Variants in STON2 observed in about 807,000 individuals in gnomAD.
STON2 encodes stonin 2, also known as stonin-2.
Under a neutral mutation model 65.7 loss-of-function variants are expected in STON2, and 29 were observed. The ratio of observed to expected loss-of-function variants is 0.44; its 90% CI spans 0.33 to 0.60. STON2 has a LOEUF of 0.60. Ranked by LOEUF, STON2 falls within the 20% of genes least tolerant of loss-of-function variation. The pLI is 0.03. For missense variants in STON2, 1,054 were observed against 1,118.1 expected, an observed-to-expected ratio of 0.94 and a Z score of 0.82; for synonymous variants, 404 against 414.2, an observed-to-expected ratio of 0.98 and a Z score of 0.30.
At chr14:81,279,091 T>G (rs527954451) in intron 5 of STON2, among the ~76,000 whole-genome samples, 1 of 152,330 alleles carries the variant, frequency 6.6e-6, no homozygotes, top group African/African-American at 2.4e-5. Flanking sequence ...GTTCTTAATT[T>G]TTAAACATTG....
chr14:81,277,724 C>T lies in STON2; in HGVS notation c.1758G>A (p.Lys586=), dbSNP rs756995878. 3 of 1,614,178 alleles carry T rather than the reference C, an allele frequency of 1.9e-6. No individual in the cohort carries two copies. The Admixed American group carries it at 5.0e-5, about 27-fold the overall frequency. ...AHTAEREQVI[K]LGTTNYDDFL... ...AGTCATCGTAATTGGTGGTGCCCAG[C>T]TTAATCACCTGTTCCCTCTCTGCTG... Residue 586 remains lysine (K), a synonymous_variant, in exon 6 of 8, where the codon AAG becomes AAA. Coordinates refer to ENST00000614646, the MANE Select transcript of STON2 (RefSeq NM_001394390.1).
In STON2 at chr14:81,413,068, C is replaced by T. The variant is rs568975474; in HGVS notation, c.-199+14034G>A. On this transcript the variant is annotated intron_variant, in intron 2 of 8. Coordinates refer to the STON2 transcript ENST00000553821. Reference sequence around the variant, plus strand: ...CTCCTCAGGCGCTGGAGAAATACAACAAAGAGAGGAACACTGTGGCTCATA... The same window carrying T: ...CTCCTCAGGCGCTGGAGAAATACAATAAAGAGAGGAACACTGTGGCTCATA... 5.5e-5 allele frequency: 57 copies of T among 1,039,884 alleles called. 2 individuals are homozygous for T. Among genetic ancestry groups the T allele is most frequent in the Non-Finnish European group, 7.5e-5 (52 of 692,574 alleles). 64.4% of individuals were successfully genotyped at this position (1,039,884 alleles called of 1,614,324 possible).
At chr14:81,393,471 G>C (rs772025581) in intron 3 of STON2, among the ~76,000 whole-genome samples, 4 of 152,156 alleles carry the variant, frequency 2.6e-5, no homozygotes, top group Non-Finnish European at 4.4e-5. Flanking sequence ...GCATCCGAAG[G>C]CTGCTCCAAG....
intron 5 of STON2, among the ~76,000 whole-genome samples, chr14:81,308,184 A>G (rs979400844): frequency 6.6e-6 from 1 of 152,130 alleles, no homozygotes; most frequent in African/African-American, 2.4e-5. Flanking sequence ...GATTTATGCA[A>G]TCTAGCTCAG....
intron 6 of STON2, among the ~76,000 whole-genome samples, chr14:81,275,313 A>AAT (rs1404474891): frequency 2.0e-5 from 3 of 152,162 alleles, no homozygotes; most frequent in Admixed American, 1.3e-4. Flanking sequence ...CACCAGTGAT[A>AAT]TATTAAGAAA....
At chr14:81,335,760 A>G (rs1280400281) in intron 4 of STON2, among the ~76,000 whole-genome samples, 1 of 152,300 alleles carries the variant, frequency 6.6e-6, no homozygotes, top group East Asian at 1.9e-4. Flanking sequence ...CTAATTGAAG[A>G]AAGTCATTCA....
intron 3 of STON2, among the ~76,000 whole-genome samples, chr14:81,379,226 A>G (rs1213361000): frequency 6.6e-6 from 1 of 152,234 alleles, no homozygotes; most frequent in Non-Finnish European, 1.5e-5. Context: ...TCTGAAAGCC[A>G]GCAAGAAATA....
chr14:81,390,858 C>T (rs74941002), intron 3 of STON2, among the ~76,000 whole-genome samples: 2 of 152,322 alleles, frequency 1.3e-5, no homozygotes, highest in East Asian at 3.9e-4. Context: ...CTGCACTCCC[C>T]GCAGAGGCTT....
In STON2 at chr14:81,277,519, G is replaced by A. The variant is rs764415881; in HGVS notation, c.1963C>T (p.Arg655Trp). The A allele has an allele frequency of 3.7e-6, 6 of 1,614,182 alleles. No individual in the cohort carries two copies. The highest frequency in any genetic ancestry group is 5.1e-6 in the Non-Finnish European group (6 of 1,180,034). ...GACAGGAAACTCAGGATGTGGATCC[G>A]TGTCAAGACATGGTGCTGGAGAATC... ...NQILQHHVLT[R>W]IHILSFLSGL... The change falls in exon 6 of 8, where the codon CGG becomes TGG. Residue 655 changes from arginine (R) to tryptophan (W), a missense_variant. Arg to Trp is a moderately radical substitution (Grantham distance 101, BLOSUM62 -3). Coordinates refer to ENST00000614646, the MANE Select transcript of STON2 (RefSeq NM_001394390.1).
At chr14:81,319,084 T>C (rs535562138) in intron 5 of STON2, among the ~76,000 whole-genome samples, 3 of 152,154 alleles carry the variant, frequency 2.0e-5, no homozygotes, top group South Asian at 2.1e-4. Flanking sequence ...GGTATAAAGC[T>C]ACCCGCCTCT....
At chr14:81,307,861 T>C (rs1271801851) in intron 5 of STON2, among the ~76,000 whole-genome samples, 1 of 152,230 alleles carries the variant, frequency 6.6e-6, no homozygotes, top group Non-Finnish European at 1.5e-5. Flanking sequence ...AATCATTTTA[T>C]GTTATTGGTA....
At chr14:81,390,356 A>G (rs1900021973) in intron 3 of STON2, among the ~76,000 whole-genome samples, 1 of 152,214 alleles carries the variant, frequency 6.6e-6, no homozygotes, top group Admixed American at 6.5e-5. Context: ...GCACTGCGCT[A>G]TGTCTTTGAA....
In STON2 at chr14:81,342,147, G is replaced by GT. The variant is rs1390531167; in HGVS notation, c.572-17961dup. Among the ~76,000 whole-genome samples, 1,093 of 147,762 alleles carry GT rather than the reference G, an allele frequency of 7.4e-3. 12 individuals are homozygous for GT. The highest frequency in any genetic ancestry group is 0.023 in the African/African-American group (924 of 40,380). ...CAGAAAGCCATAATGGAGTTTTTTT[G>GT]TTTTTTTTTTGAGATGGAGTTTCAC... On this transcript the variant is annotated intron_variant, in intron 4 of 7. Coordinates refer to ENST00000614646, the MANE Select transcript of STON2 (RefSeq NM_001394390.1).
chr14:81,386,945 TG>T (rs1566938015), intron 3 of STON2, among the ~76,000 whole-genome samples: 1 of 152,228 alleles, frequency 6.6e-6, no homozygotes, highest in East Asian at 1.9e-4. Context: ...GGATGATAGA[TG>T]GGCTGACTGC....
Position 81,299,273 on chromosome 14 carries a change from A to G in STON2, c.743-20534T>C, listed in dbSNP as rs887094383. On this transcript the variant is annotated intron_variant, in intron 5 of 7. Transcript: ENST00000614646. ...ACATATATGTGAGACTATCTCAATAAAGGTAGAAAAAGTATGGTAAAATTT... is the reference window on the plus strand; with the variant it reads ...ACATATATGTGAGACTATCTCAATAGAGGTAGAAAAAGTATGGTAAAATTT... Among the ~76,000 whole-genome samples, 4 of 152,350 alleles carry G rather than the reference A, an allele frequency of 2.6e-5. No homozygotes were observed. In the East Asian group the frequency reaches 7.7e-4, roughly 29 times the overall value.
intron 1 of STON2, among the ~76,000 whole-genome samples, chr14:81,399,394 A>G (rs768401340): frequency 2.0e-5 from 3 of 152,216 alleles, no homozygotes; most frequent in East Asian, 3.8e-4. Context: ...GAGCTACTAT[A>G]TACCTTGAAC....
Position 81,262,531 on chromosome 14 carries a change from T to C in STON2, c.*5883A>G. 2.0e-6 allele frequency: 2 copies of C among 985,416 alleles called. No homozygotes were observed. The highest frequency in any genetic ancestry group is 2.4e-6 in the Non-Finnish European group (2 of 829,876). 61.0% of individuals were successfully genotyped at this position (985,416 alleles called of 1,614,324 possible). ...TGAGGCTTGGTACCCAATGCTGATT[T>C]GTCATCTCTCTAGATTTTACTTTTT... On this transcript the variant is annotated 3_prime_UTR_variant, in exon 8 of 8. Coordinates refer to ENST00000614646, the MANE Select transcript of STON2 (RefSeq NM_001394390.1).
upstream of STON2, among the ~76,000 whole-genome samples, chr14:81,401,593 T>C (rs1900615460): frequency 6.6e-6 from 1 of 152,210 alleles, no homozygotes; most frequent in African/African-American, 2.4e-5. Context: ...ATTAGTTGCT[T>C]GGTAAAAACC....
At chr14:81,429,928 CTG>C (rs1424385286) in intron 1 of STON2, among the ~76,000 whole-genome samples, 1 of 150,138 alleles carries the variant, frequency 6.7e-6, no homozygotes, top group Non-Finnish European at 1.5e-5. Flanking sequence ...CAGCAAGACT[CTG>C]TCTCAAAAAA....
Sources: allele counts gnomAD v4.1 joint callset (sites outside exome capture counted in the v4.1 genomes callset), GRCh38; gene constraint gnomAD v4.1.1; transcripts MANE v1.5; gene names NCBI Gene and HGNC (gene_info 2026-07-23, HGNC 2026-07-21).